The following ACTR3C variants were observed in gnomAD, a reference collection of about 807,000 sequenced individuals.
ACTR3C encodes the protein actin related protein 3C, also known as actin-related protein 3C.
Under a neutral mutation model 26.3 loss-of-function variants are expected in ACTR3C, and 18 were observed. The observed-to-expected ratio is 0.68, with a 90% confidence interval of 0.47 to 1.01. The LOEUF is 1.01. Ranked by LOEUF, ACTR3C falls within the 50% of genes least tolerant of loss-of-function variation. The probability of loss-of-function intolerance (pLI) is 0.00; values close to 1 mark genes in which losing one functional copy is unlikely to be tolerated. For missense variants in ACTR3C, 184 were observed against 250.7 expected, an observed-to-expected ratio of 0.73 and a Z score of 1.80; for synonymous variants, 55 against 94.5, an observed-to-expected ratio of 0.58 and a Z score of 2.42.
At chr7:150,090,390 A>G in the ACTR3C span, among the ~76,000 whole-genome samples, 32 of 152,350 alleles carry the variant, frequency 2.1e-4, no homozygotes, top group South Asian at 5.6e-3. Context: ...TCGTATGCAC[A>G]TGTTTGCTGA....
At chr7:150,121,133 G>T in the ACTR3C span, among the ~76,000 whole-genome samples, 612 of 152,276 alleles carry the variant, frequency 4.0e-3, 7 homozygotes, top group African/African-American at 0.014. Flanking sequence ...ATATCACACT[G>T]AATGGGCAAA....
chr7:149,888,743 C>T, the ACTR3C span, among the ~76,000 whole-genome samples: 101 of 152,340 alleles, frequency 6.6e-4, 2 homozygotes, highest in South Asian at 0.02. Context: ...CGTGGTGGCT[C>T]ACACCTGTAA....
the ACTR3C span, among the ~76,000 whole-genome samples, chr7:150,116,982 C>T: frequency 6.6e-6 from 1 of 152,022 alleles, no homozygotes; most frequent in Admixed American, 6.5e-5. Flanking sequence ...CACAAGGGGT[C>T]ACGGAACTCC....
At chr7:150,230,250 A>G in the ACTR3C span, among the ~76,000 whole-genome samples, 2 of 152,152 alleles carry the variant, frequency 1.3e-5, no homozygotes, top group African/African-American at 4.8e-5. Context: ...AAAAAGAAAC[A>G]AAAACAAAAT....
At chr7:150,253,029 G>A (rs1246172082) in intron 6 of ACTR3C, among the ~76,000 whole-genome samples, 1 of 151,870 alleles carries the variant, frequency 6.6e-6, no homozygotes, top group Non-Finnish European at 1.5e-5. Flanking sequence ...GCTGCCCCAT[G>A]GCTGGGCTGT....
intron 7 of ACTR3C, chr7:150,248,722 C>A: frequency 3.2e-6 from 1 of 313,788 alleles, no homozygotes; most frequent in Admixed American, 4.7e-5. Context: ...CAATAAAAAA[C>A]CACTTATCAT....
At chr7:150,148,550 C>A in the ACTR3C span, among the ~76,000 whole-genome samples, 1 of 152,204 alleles carries the variant, frequency 6.6e-6, no homozygotes, top group African/African-American at 2.4e-5. Flanking sequence ...GCCCAGAGCT[C>A]ACCACCAGCC....
chr7:150,042,193 C>A, the ACTR3C span, among the ~76,000 whole-genome samples: 1 of 26,848 alleles, frequency 3.7e-5, no homozygotes, highest in Non-Finnish European at 6.8e-5. Context: ...GTGCCTCCCC[C>A]CCCCTGCGAT....
At chr7:150,020,802 T>C in the ACTR3C span, among the ~76,000 whole-genome samples, 3 of 152,112 alleles carry the variant, frequency 2.0e-5, no homozygotes, top group African/African-American at 7.3e-5. Context: ...TGGAACTATT[T>C]CTGGTCTGCT....
chr7:150,024,295 C>CA, the ACTR3C span, among the ~76,000 whole-genome samples: 3 of 152,104 alleles, frequency 2.0e-5, no homozygotes, highest in African/African-American at 4.8e-5. Flanking sequence ...GAGATGGCAG[C>CA]AAAACGGGGA....
the ACTR3C span, among the ~76,000 whole-genome samples, chr7:150,009,813 C>T: frequency 6.6e-6 from 1 of 152,250 alleles, no homozygotes; most frequent in African/African-American, 2.4e-5. Flanking sequence ...AGGTCCCTAG[C>T]CTGCGGCTAA....
the ACTR3C span, among the ~76,000 whole-genome samples, chr7:150,137,821 A>G: frequency 6.6e-6 from 1 of 152,220 alleles, no homozygotes; most frequent in African/African-American, 2.4e-5. Flanking sequence ...AACAACATAA[A>G]TGAAGGTATG....
chr7:150,220,731 G>A, the ACTR3C span, among the ~76,000 whole-genome samples: 2 of 152,292 alleles, frequency 1.3e-5, no homozygotes, highest in African/African-American at 4.8e-5. Flanking sequence ...CGAAAGCCAG[G>A]GAGTCGCGCG....
chr7:150,029,990 G>A, the ACTR3C span, among the ~76,000 whole-genome samples: 1 of 139,934 alleles, frequency 7.1e-6, no homozygotes, highest in Non-Finnish European at 1.5e-5. Context: ...CACCCTTGAA[G>A]CTGAATGAAG....
the ACTR3C span, among the ~76,000 whole-genome samples, chr7:150,048,517 C>G: frequency 1.5e-4 from 23 of 152,260 alleles, no homozygotes; most frequent in Non-Finnish European, 3.2e-4. Flanking sequence ...GCTGAGGGTT[C>G]TGCGGCCCCG....
chr7:150,264,472 G>A, intron 6 of ACTR3C: 5 of 650,080 alleles, frequency 7.7e-6, no homozygotes, highest in Non-Finnish European at 9.5e-6. Flanking sequence ...AGCTCAGAAA[G>A]TACGCAGCAA....
chr7:149,903,975 C>T, the ACTR3C span, among the ~76,000 whole-genome samples: 9 of 112,700 alleles, frequency 8.0e-5, 1 homozygote, highest in South Asian at 1.4e-3. Context: ...GGCTGGAGTG[C>T]GGTGACGCAA....
the ACTR3C span, among the ~76,000 whole-genome samples, chr7:149,936,343 C>T: frequency 6.6e-6 from 1 of 152,154 alleles, no homozygotes; most frequent in African/African-American, 2.4e-5. Flanking sequence ...CTTCTAAGCG[C>T]CACATCCTCT....
At chr7:150,167,789 C>T in the ACTR3C span, among the ~76,000 whole-genome samples, 1 of 150,384 alleles carries the variant, frequency 6.6e-6, no homozygotes, top group Non-Finnish European at 1.5e-5. Context: ...GAATCCACTG[C>T]CAGCATACAA....
Sources: gnomAD v4.1 joint callset for allele counts (sites outside exome capture counted in the v4.1 genomes callset) on GRCh38, gnomAD v4.1.1 for gene constraint, MANE v1.5 for transcripts, NCBI Gene and HGNC (gene_info 2026-07-23, HGNC 2026-07-21) for gene names.